Variants in GALM observed in about 807,000 individuals in gnomAD.
GALM encodes galactose mutarotase.
In GALM, 43 loss-of-function variants were observed where a neutral mutation model predicts 37.4. The ratio of observed to expected loss-of-function variants is 1.15; its 90% CI spans 0.90 to 1.48. The LOEUF (loss-of-function observed/expected upper bound fraction) is 1.48, where lower values mean the gene tolerates loss of function less well. Ranked by LOEUF, GALM falls within the 40% of genes most tolerant of loss-of-function variation. GALM has a pLI of 0.00. For missense variants in GALM, 456 were observed against 419.1 expected, an observed-to-expected ratio of 1.09 and a Z score of -0.77; for synonymous variants, 199 against 170.6, an observed-to-expected ratio of 1.17 and a Z score of -1.30.
intron 6 of GALM, among the ~76,000 whole-genome samples, chr2:38,733,187 C>G (rs1441608508): frequency 1.4e-5 from 2 of 148,034 alleles, no homozygotes; most frequent in African/African-American, 5.0e-5. Context: ...CCCCACTGCA[C>G]TCCAGCCTGG....
intron 3 of GALM, among the ~76,000 whole-genome samples, chr2:38,683,930 C>T (rs529263076): frequency 1.3e-5 from 2 of 152,202 alleles, no homozygotes; most frequent in South Asian, 2.1e-4. Flanking sequence ...AGCTTGAATC[C>T]ACAGCCACTA....
intron 4 of GALM, among the ~76,000 whole-genome samples, chr2:38,692,649 G>A (rs957565089): frequency 2.6e-5 from 4 of 152,180 alleles, no homozygotes; most frequent in Admixed American, 6.5e-5. Context: ...GTGCTGCTGG[G>A]CTCTCTAGGA....
intron 4 of GALM, chr2:38,698,565 A>G (rs1200406506): frequency 3.2e-5 from 12 of 380,896 alleles, no homozygotes; most frequent in African/African-American, 1.1e-4. Flanking sequence ...GCTGCTCCAT[A>G]GGATGGGAGC....
intron 4 of GALM, among the ~76,000 whole-genome samples, chr2:38,696,747 C>G (rs147989195): frequency 1.7e-3 from 251 of 147,608 alleles, no homozygotes; most frequent in African/African-American, 5.8e-3. Flanking sequence ...GCTAGGATTA[C>G]AGGCGTGAGC....
rs1426103180 is a variant in GALM, at chr2:38,733,593, G to C, written c.*28G>C. 1.9e-6 allele frequency: 3 copies of C among 1,554,114 alleles called. No homozygotes were observed. Among genetic ancestry groups the C allele is most frequent in the Admixed American group, 1.7e-5 (1 of 59,918 alleles). On this transcript the variant is annotated 3_prime_UTR_variant, in exon 7 of 7. Coordinates refer to ENST00000272252, the MANE Select transcript of GALM (RefSeq NM_138801.3). ...AAGTGTGAAGATATGATCCAGTCCA[G>C]GGCTAGGCTCAGCCACCTGTCTCCT...
chr2:38,699,962 T>C (rs1403158161), intron 4 of GALM, among the ~76,000 whole-genome samples: 1 of 152,176 alleles, frequency 6.6e-6, no homozygotes, highest in Non-Finnish European at 1.5e-5. Context: ...CAGGGTTTTT[T>C]GTTTTTTTGA....
chr2:38,714,051 G>C (rs968894199), intron 4 of GALM, among the ~76,000 whole-genome samples: 4 of 152,092 alleles, frequency 2.6e-5, no homozygotes, highest in African/African-American at 9.7e-5. Context: ...GCTTAGAACA[G>C]TTCCTGGCAT....
intron 2 of GALM, chr2:38,679,951 G>C: frequency 2.3e-6 from 1 of 428,806 alleles, no homozygotes; most frequent in South Asian, 1.7e-5. Flanking sequence ...GGACAAAGTT[G>C]AGAACAGCCA....
chr2:38,679,630 A>T (rs1270755408), intron 2 of GALM, among the ~76,000 whole-genome samples: 1 of 152,172 alleles, frequency 6.6e-6, no homozygotes, highest in East Asian at 1.9e-4. Flanking sequence ...CCCCTTCTTT[A>T]GTGATCCCAG....
rs1337673370 is a variant in GALM at position 38,681,405 on chromosome 2, C to T, written c.471C>T (p.Leu157=). 6.2e-7 allele frequency: 1 copy of T among 1,614,070 alleles called. No homozygotes were observed. The highest frequency in any genetic ancestry group is 1.3e-5 in the African/African-American group (1 of 74,946). ...CATACACCCTGGATGGCGGAGAGCT[C>T]ATAGTCAACTACAGAGCACAAGCCA... ...WVTYTLDGGE[L]IVNYRAQASQ... Residue 157 remains leucine, a synonymous_variant, in exon 3 of 7, where the codon CTC becomes CTT. Transcript: ENST00000272252.
At chr2:38,694,902 A>AC (rs1276303407) in intron 4 of GALM, among the ~76,000 whole-genome samples, 1 of 150,950 alleles carries the variant, frequency 6.6e-6, no homozygotes. Context: ...GTCTCAAAAA[A>AC]AAAAAAAAAA....
At chr2:38,683,629 C>T (rs1003519754) in intron 3 of GALM, among the ~76,000 whole-genome samples, 2 of 151,992 alleles carry the variant, frequency 1.3e-5, no homozygotes, top group Admixed American at 6.6e-5. Context: ...TGCAGTGGCA[C>T]GATCTCGGCT....
intron 4 of GALM, among the ~76,000 whole-genome samples, chr2:38,723,222 A>C (rs990711109): frequency 6.6e-6 from 1 of 152,198 alleles, no homozygotes; most frequent in Non-Finnish European, 1.5e-5. Context: ...GGTCATTGTC[A>C]TACCCAACTA....
At chr2:38,720,949 A>C (rs557130237) in intron 4 of GALM, among the ~76,000 whole-genome samples, 1 of 152,338 alleles carries the variant, frequency 6.6e-6, no homozygotes, top group African/African-American at 2.4e-5. Flanking sequence ...CTTTTGGTTA[A>C]GGTGGTTAAA....
At position 38,733,690 on chromosome 2, in the gene GALM, T is replaced by A. The variant is rs1666651840; in HGVS notation, c.*125T>A. On this transcript the variant is annotated 3_prime_UTR_variant, in exon 7 of 7. Transcript: ENST00000272252. The stretch of plus-strand genomic sequence containing the variant: ...GGATTAAAATCATACAAATGGTGGC[T>A]GTTCTGAGAATCAGTCTGGGTATTG... 1.3e-6 allele frequency: 1 copy of A among 771,174 alleles called. No homozygotes were observed. Among genetic ancestry groups the A allele is most frequent in the East Asian group, 2.7e-5 (1 of 37,106 alleles). 47.8% of individuals were successfully genotyped at this position (771,174 alleles called of 1,614,324 possible).
chr2:38,690,597 C>T (rs188643181), intron 4 of GALM, among the ~76,000 whole-genome samples: 16 of 152,088 alleles, frequency 1.1e-4, no homozygotes, highest in South Asian at 6.2e-4. Flanking sequence ...CACACCACCA[C>T]GCCTGTTGTA....
At chr2:38,670,365 G>T (rs1253148565) in intron 1 of GALM, among the ~76,000 whole-genome samples, 1 of 152,140 alleles carries the variant, frequency 6.6e-6, no homozygotes, top group African/African-American at 2.4e-5. Flanking sequence ...GGAAAAAATA[G>T]AAAAAGTAAA....
intron 4 of GALM, among the ~76,000 whole-genome samples, chr2:38,718,832 T>C (rs1666320392): frequency 6.6e-6 from 1 of 151,810 alleles, no homozygotes; most frequent in Non-Finnish European, 1.5e-5. Flanking sequence ...GAGTCAGGCA[T>C]GAGGGCCACC....
In GALM at chr2:38,666,136, G is replaced by C; in HGVS notation, c.-26G>C. ...AGCGCTGGAGTTTGAAGAGCGGGCAGTGGCTGCACACGCCAAACTTTCCCT... is the reference window on the plus strand; with the variant it reads ...AGCGCTGGAGTTTGAAGAGCGGGCACTGGCTGCACACGCCAAACTTTCCCT... On this transcript the variant is annotated 5_prime_UTR_variant, in exon 1 of 7. Coordinates refer to ENST00000272252, the MANE Select transcript of GALM (RefSeq NM_138801.3). 1 of 1,594,610 alleles carries C rather than the reference G, an allele frequency of 6.3e-7. No individual in the cohort carries two copies. The highest frequency in any genetic ancestry group is 8.6e-7 in the Non-Finnish European group (1 of 1,169,412).
Sources: gnomAD v4.1 joint callset for allele counts (sites outside exome capture counted in the v4.1 genomes callset) on GRCh38, gnomAD v4.1.1 for gene constraint, MANE v1.5 for transcripts, NCBI Gene and HGNC (gene_info 2026-07-23, HGNC 2026-07-21) for gene names.